The following KRT8 variants were observed in gnomAD, a reference collection of about 807,000 sequenced individuals.
The protein encoded by KRT8 is keratin, type II cytoskeletal 8.
KRT8 carries 24 observed loss-of-function variants against 43.0 expected under a neutral mutation model. The ratio of observed to expected loss-of-function variants is 0.56; its 90% CI spans 0.40 to 0.78. The LOEUF (loss-of-function observed/expected upper bound fraction) is 0.78. KRT8 is among the 30% of genes least tolerant of loss of function. KRT8 has a pLI of 0.00. For missense variants in KRT8, 492 were observed against 638.4 expected, an observed-to-expected ratio of 0.77 and a Z score of 2.47; for synonymous variants, 214 against 261.2, an observed-to-expected ratio of 0.82 and a Z score of 1.74.
intron 2 of KRT8, among the ~76,000 whole-genome samples, chr12:52,929,483 C>T (rs533586204): frequency 2.6e-5 from 4 of 152,280 alleles, no homozygotes; most frequent in Non-Finnish European, 5.9e-5. Context: ...CGTGAGCCAC[C>T]TCGTCCAACC....
Position 52,902,252 on chromosome 12 carries a change from T to C in KRT8, c.325-180A>G, listed in dbSNP as rs144063431. The C allele has an allele frequency of 7.3e-4, 450 of 614,460 alleles. 1 individual carries two copies. In the African/African-American group the frequency reaches 7.5e-3, roughly 10 times the overall value. 38.1% of individuals were successfully genotyped at this position (614,460 alleles called of 1,614,324 possible). Reference sequence around the variant, plus strand: ...ACCAGGGGGAGAAAGCATGGCATGATGGTGAGGTGGGGAGCAATGTCCCTC... The same window carrying C: ...ACCAGGGGGAGAAAGCATGGCATGACGGTGAGGTGGGGAGCAATGTCCCTC... On this transcript the variant is annotated intron_variant, in intron 1 of 7. Coordinates refer to ENST00000692008, the Ensembl canonical transcript of KRT8.
At chr12:52,898,541 G>A (rs780216342) in intron 6 of KRT8, 22 bp from the exon 7 acceptor site, 4 of 1,613,880 alleles carry the variant, frequency 2.5e-6, no homozygotes, top group Non-Finnish European at 2.5e-6. Flanking sequence ...CAAATGGGGT[G>A]TCAGGACCAA....
chr12:52,917,395 A>G (rs906985208), intron 2 of KRT8, among the ~76,000 whole-genome samples: 2 of 149,124 alleles, frequency 1.3e-5, no homozygotes, highest in Non-Finnish European at 3.0e-5. Context: ...GTGAAACTCC[A>G]TCTCAAAAAA....
At chr12:52,906,576 C>A (rs1941524335), upstream of KRT8, 1 of 407,444 alleles carries the variant, frequency 2.5e-6, no homozygotes, top group Non-Finnish European at 5.0e-6. Flanking sequence ...CTGGGTGGGG[C>A]CAGGCAGGGC....
chr12:52,897,382 T>C (rs776291517), exon 8 of KRT8: 1 of 1,534,572 alleles, frequency 6.5e-7, no homozygotes, highest in East Asian at 2.2e-5. Flanking sequence ...TCCCAGGCTC[T>C]GGGGCAGCGC....
Position 52,949,051 on chromosome 12 carries a change from G to C in KRT8, c.-47+405C>G, listed in dbSNP as rs1167201721. On this transcript the variant is annotated intron_variant, in intron 2 of 6. Coordinates refer to the KRT8 transcript ENST00000546826. Reference sequence around the variant, plus strand: ...CCGTCCACCTGTGGCTCCGGCTTCCGAAGCGGCTCCGGGGCGGGGGCGGGG... The same window carrying C: ...CCGTCCACCTGTGGCTCCGGCTTCCCAAGCGGCTCCGGGGCGGGGGCGGGG... 20 of 951,114 alleles carry C rather than the reference G, an allele frequency of 2.1e-5. No individual in the cohort carries two copies. The East Asian group carries it at 4.3e-4, about 20-fold the overall frequency. The allele number at this position is 951,114 out of a possible 1,614,324, so 58.9% of individuals were successfully genotyped here.
intron 2 of KRT8, among the ~76,000 whole-genome samples, chr12:52,924,896 G>T (rs144161341): frequency 3.9e-5 from 6 of 152,332 alleles, no homozygotes; most frequent in Non-Finnish European, 7.3e-5. Context: ...CACCGAAAGG[G>T]AGTGAAAGGG....
chr12:52,926,332 GCCCTCCCCAC>G, intron 2 of KRT8: 1 of 600,278 alleles, frequency 1.7e-6, no homozygotes, highest in Non-Finnish European at 3.0e-6. Context: ...GGCACTAGCT[GCCCTCCCCAC>G]CCCACCCCCA....
At chr12:52,901,965 G>C (rs1941381512) in exon 2 of KRT8, 11 of 1,608,046 alleles carry the variant, frequency 6.8e-6, no homozygotes, top group Non-Finnish European at 9.3e-6. Context: ...TAAGGTTGTT[G>C]ATGTAGCTCT....
chr12:52,901,652 T>C, intron 2 of KRT8: 1 of 604,834 alleles, frequency 1.7e-6, no homozygotes, highest in Non-Finnish European at 3.0e-6. Context: ...TCCAGACAGT[T>C]GAGATTGAAA....
rs765765241 is a variant in KRT8, at chr12:52,900,058, C to T, written c.698G>A (p.Arg233Gln). The change falls in exon 5 of 8, where the codon CGG (arginine) becomes CAG (glutamine). Residue 233 changes from arginine (R) to glutamine (Q), a missense_variant. Coordinates refer to ENST00000692008, the Ensembl canonical transcript of KRT8. ...GTCCGAGATCTGGGACTGCAGCTCC[C>T]GGATCTCCTGTGGGGGAAGAGGGCA... 1.8e-5 allele frequency: 29 copies of T among 1,612,258 alleles called. No homozygotes were observed. The South Asian group carries it at 3.0e-4, about 16-fold the overall frequency.
intron 2 of KRT8, chr12:52,949,004 G>A (rs1466719974): frequency 5.2e-6 from 3 of 576,312 alleles, no homozygotes; most frequent in Admixed American, 7.3e-5. Flanking sequence ...AGCGGCCCGG[G>A]GCGGAGGGCG....
At chr12:52,904,836 C>G in exon 1 of KRT8, 1 of 1,612,568 alleles carries the variant, frequency 6.2e-7, no homozygotes, top group Non-Finnish European at 8.5e-7. Context: ...GCCGCCCAGG[C>G]CACCGCGAAA....
At position 52,928,625 on chromosome 12, in the gene KRT8, C is replaced by A. The variant is rs545524004; in HGVS notation, c.-47+20831G>T. Among the ~76,000 whole-genome samples the A allele has an allele frequency of 3.3e-5, 5 of 152,282 alleles. No homozygotes were observed. In the South Asian group the frequency reaches 1.0e-3, roughly 32 times the overall value. On this transcript the variant is annotated intron_variant, in intron 2 of 6. Transcript: ENST00000546826. ...TCCTTTAAAAAAAGAAAGAAAGGGG[C>A]TGGGCACAGTGGCTCACGCCTGTAA... is the stretch of plus-strand genomic sequence containing the variant.
upstream of KRT8, among the ~76,000 whole-genome samples, chr12:52,910,459 G>A (rs1290092095): frequency 6.6e-6 from 1 of 152,202 alleles, no homozygotes; most frequent in East Asian, 1.9e-4. Flanking sequence ...CCCTCAGGAA[G>A]GAAAACAGAG....
chr12:52,915,847 C>A (rs1941728112), intron 2 of KRT8, among the ~76,000 whole-genome samples: 1 of 152,186 alleles, frequency 6.6e-6, no homozygotes, highest in Non-Finnish European at 1.5e-5. Flanking sequence ...ATAAAGATAT[C>A]CGTGTACACA....
chr12:52,937,999 CAAA>C (rs533386383), intron 2 of KRT8, among the ~76,000 whole-genome samples: 1 of 52,704 alleles, frequency 1.9e-5, no homozygotes, highest in African/African-American at 7.1e-5. Context: ...AACTCCATCT[CAAA>C]AAAAAAAAAA....
At chr12:52,900,008 T>C (rs915272857) in exon 5 of KRT8, 1 of 1,612,958 alleles carries the variant, frequency 6.2e-7, no homozygotes, top group Non-Finnish European at 8.5e-7. Context: ...GAGCGGCTGT[T>C]GTCCATGGAC....
chr12:52,920,495 G>A (rs1457395221), intron 2 of KRT8, among the ~76,000 whole-genome samples: 3 of 152,182 alleles, frequency 2.0e-5, no homozygotes, highest in Non-Finnish European at 4.4e-5. Context: ...TACTTAAGAG[G>A]CTGAGGCAGG....
Sources: allele counts gnomAD v4.1 joint callset (sites outside exome capture counted in the v4.1 genomes callset), GRCh38; gene constraint gnomAD v4.1.1; transcripts MANE v1.5; gene names NCBI Gene and HGNC (gene_info 2026-07-23, HGNC 2026-07-21).